The following CTNNA3 variants were observed in gnomAD, a reference collection of about 807,000 sequenced individuals.
The protein encoded by CTNNA3 is catenin alpha-3.
CTNNA3 carries 76 observed loss-of-function variants against 95.7 expected under a neutral mutation model. That is an observed-to-expected ratio of 0.79 (90% CI 0.66 to 0.96). CTNNA3 has a LOEUF of 0.96. Among genes scored for constraint, CTNNA3 ranks in the 40% least tolerant of loss-of-function variants. The probability of loss-of-function intolerance (pLI) is 0.00; values close to 1 mark genes in which losing one functional copy is unlikely to be tolerated. For synonymous variants in CTNNA3, 431 were observed against 374.4 expected, an observed-to-expected ratio of 1.15 and a Z score of -1.74; for missense variants, 1,191 against 1,089.8, an observed-to-expected ratio of 1.09 and a Z score of -1.31.
intron 7 of CTNNA3, among the ~76,000 whole-genome samples, chr10:67,101,768 T>A (rs939546978): frequency 3.3e-5 from 5 of 151,830 alleles, no homozygotes; most frequent in Non-Finnish European, 7.4e-5. Flanking sequence ...TTTTCTAAAA[T>A]AAAACTATTG....
intron 9 of CTNNA3, among the ~76,000 whole-genome samples, chr10:66,744,575 C>T (rs1337451277): frequency 6.6e-6 from 1 of 152,170 alleles, no homozygotes; most frequent in Non-Finnish European, 1.5e-5. Flanking sequence ...CTAATGATCA[C>T]TGGCTTCTTA....
Position 67,088,964 on chromosome 10 carries a change from C to T in CTNNA3, c.1047+91353G>A, listed in dbSNP as rs1857464864. Among the ~76,000 whole-genome samples, 2 of 151,766 alleles carry T rather than the reference C, an allele frequency of 1.3e-5. 1 individual carries two copies. Among genetic ancestry groups the T allele is most frequent in the African/African-American group, 4.8e-5 (2 of 41,328 alleles). On this transcript the variant is annotated intron_variant, in intron 7 of 17. Transcript: ENST00000433211. ...ACAATTAAAATTAATACGAATAGAA[C>T]AATACAGTATAATGACTACTTAGAT...
intron 13 of CTNNA3, among the ~76,000 whole-genome samples, chr10:66,108,821 A>G (rs2082006210): frequency 6.6e-6 from 1 of 152,172 alleles, no homozygotes; most frequent in African/African-American, 2.4e-5. Flanking sequence ...AATCATGGGA[A>G]CATTTTTGAG....
At chr10:66,735,901 C>T (rs1057037153) in intron 9 of CTNNA3, among the ~76,000 whole-genome samples, 7 of 152,174 alleles carry the variant, frequency 4.6e-5, no homozygotes, top group Non-Finnish European at 7.3e-5. Flanking sequence ...TGTGTCACAT[C>T]CAAATAGGGG....
intron 15 of CTNNA3, among the ~76,000 whole-genome samples, chr10:65,997,692 T>A (rs1354458496): frequency 6.6e-6 from 1 of 152,170 alleles, no homozygotes; most frequent in Non-Finnish European, 1.5e-5. Flanking sequence ...TCCCTCTCAG[T>A]TCTCCCTCAA....
At chr10:66,509,978 C>A (rs1328805675) in intron 11 of CTNNA3, among the ~76,000 whole-genome samples, 1 of 151,838 alleles carries the variant, frequency 6.6e-6, no homozygotes, top group Admixed American at 6.6e-5. Flanking sequence ...AATCTGTAGA[C>A]TGCCTTGGGT....
chr10:66,473,334 T>A (rs1839201825), intron 11 of CTNNA3, among the ~76,000 whole-genome samples: 4 of 151,780 alleles, frequency 2.6e-5, no homozygotes, highest in Admixed American at 2.6e-4. Context: ...TCTGATGGTT[T>A]TATAAGAGGT....
chr10:66,654,002 G>A (rs748556309), intron 9 of CTNNA3, among the ~76,000 whole-genome samples: 9 of 151,946 alleles, frequency 5.9e-5, no homozygotes, highest in Non-Finnish European at 1.0e-4. Context: ...CTGTAAAACT[G>A]CTAGAAGAAA....
In CTNNA3 at chr10:67,496,508, G is replaced by GA. The variant is rs778289153; in HGVS notation, c.579+25333_579+25334insT. ...AATTTTTCTTCCTTTTCAACAGGAG[G>GA]TTCTCACCCCTCTGTTGTCTACTCC... On this transcript the variant is annotated intron_variant, in intron 5 of 17. Coordinates refer to ENST00000433211, the MANE Select transcript of CTNNA3 (RefSeq NM_013266.4). 4.6e-5 allele frequency among the ~76,000 whole-genome samples: 7 copies of GA among 151,978 alleles called. No individual in the cohort carries two copies. The East Asian group carries it at 1.3e-3, about 29-fold the overall frequency.
At chr10:66,282,573 A>G (rs2091512357) in intron 12 of CTNNA3, among the ~76,000 whole-genome samples, 1 of 151,722 alleles carries the variant, frequency 6.6e-6, no homozygotes, top group African/African-American at 2.4e-5. Flanking sequence ...AATATATCCC[A>G]AATCCATTGA....
intron 9 of CTNNA3, among the ~76,000 whole-genome samples, chr10:66,630,752 TC>T (rs1294325702): frequency 1.0e-4 from 12 of 118,184 alleles, no homozygotes; most frequent in Admixed American, 8.1e-4. Context: ...CTGCTCTGCT[TC>T]CCTTGGTAGT....
chr10:67,233,156 C>A (rs1052423861), intron 5 of CTNNA3, among the ~76,000 whole-genome samples: 10 of 152,252 alleles, frequency 6.6e-5, no homozygotes, highest in African/African-American at 2.4e-4. Flanking sequence ...CCGCACCAAG[C>A]GGACCTAATA....
intron 12 of CTNNA3, among the ~76,000 whole-genome samples, chr10:66,346,238 TATATATATAGAGAGAGAGAGAG>T (rs1392857293): frequency 0.035 from 555 of 16,040 alleles, 1 homozygote; most frequent in Admixed American, 0.085. Flanking sequence ...TATATATATA[TATATATATAGAGAGAGAGAGAG>T]AGAGAGAGAG....
At chr10:65,941,838 T>G (rs1564528686) in intron 17 of CTNNA3, among the ~76,000 whole-genome samples, 1 of 151,566 alleles carries the variant, frequency 6.6e-6, no homozygotes, top group Non-Finnish European at 1.5e-5. Flanking sequence ...ATGTTTACAA[T>G]TTGCAACAAT....
rs1192627486 is a variant in CTNNA3 at position 67,450,878 on chromosome 10, T to C, written c.579+70964A>G. ...ATAAATTGTATGTAATTTATAAATA[T>C]ATATTTATTTCTTTTAGATATAATA... On this transcript the variant is annotated intron_variant, in intron 5 of 17. Coordinates refer to ENST00000433211, the MANE Select transcript of CTNNA3 (RefSeq NM_013266.4). Among the ~76,000 whole-genome samples, 3 of 151,822 alleles carry C rather than the reference T, an allele frequency of 2.0e-5. 1 individual carries two copies.
intron 10 of CTNNA3, among the ~76,000 whole-genome samples, chr10:66,608,576 C>A (rs796886438): frequency 6.6e-6 from 1 of 151,148 alleles, no homozygotes; most frequent in Admixed American, 6.6e-5. Context: ...AAAAACAGCA[C>A]ACCAAAATAA....
chr10:67,634,018 C>T (rs1463265659), intron 2 of CTNNA3, among the ~76,000 whole-genome samples: 1 of 152,008 alleles, frequency 6.6e-6, no homozygotes, highest in Admixed American at 6.6e-5. Flanking sequence ...AACCCCAAGA[C>T]AAATAATCGT....
intron 2 of CTNNA3, among the ~76,000 whole-genome samples, chr10:67,634,586 C>T (rs1420756384): frequency 1.3e-5 from 2 of 152,128 alleles, no homozygotes; most frequent in African/African-American, 4.8e-5. Context: ...TGACCCATCT[C>T]ACATGCAAAG....
chr10:67,726,130 AAT>A (rs1343240446), intron 1 of CTNNA3, among the ~76,000 whole-genome samples: 1 of 113,848 alleles, frequency 8.8e-6, no homozygotes, highest in East Asian at 2.3e-4. Context: ...TATATTAGAT[AAT>A]ATATATTATA....
Sources: gnomAD v4.1 joint callset for allele counts (sites outside exome capture counted in the v4.1 genomes callset) on GRCh38, gnomAD v4.1.1 for gene constraint, MANE v1.5 for transcripts, NCBI Gene and HGNC (gene_info 2026-07-23, HGNC 2026-07-21) for gene names.